The following CECR2 variants were observed in gnomAD, a reference collection of about 807,000 sequenced individuals.
The protein encoded by CECR2 is CECR2 histone acetyl-lysine reader.
CECR2 carries 30 observed loss-of-function variants against 154.5 expected under a neutral mutation model. The observed-to-expected ratio is 0.19, with a 90% CI of 0.15 to 0.26. The LOEUF is 0.26. CECR2 is among the 10% of genes least tolerant of loss of function. The pLI, the probability that CECR2 is intolerant of heterozygous loss-of-function variation, is 1.00. For missense variants in CECR2, 1,743 were observed against 1,829.3 expected, an observed-to-expected ratio of 0.95 and a Z score of 0.86; for synonymous variants, 725 against 683.7, an observed-to-expected ratio of 1.06 and a Z score of -0.94.
chr22:17,540,889 A>G, intron 14 of CECR2, 89 bp downstream of exon 14: 1 of 1,330,528 alleles, frequency 7.5e-7, no homozygotes, highest in Non-Finnish European at 1.0e-6. Flanking sequence ...CTTCCTGCAA[A>G]ATACTTACGT....
intron 2 of CECR2, among the ~76,000 whole-genome samples, chr22:17,488,338 C>CT (rs1467902265): frequency 2.0e-5 from 3 of 152,220 alleles, no homozygotes; most frequent in African/African-American, 7.2e-5. Flanking sequence ...TTCATCGTGT[C>CT]TTTTTTAACA....
At chr22:17,367,377 CT>C (rs568671353), upstream of CECR2, among the ~76,000 whole-genome samples, 77 of 147,648 alleles carry the variant, frequency 5.2e-4, no homozygotes, top group Non-Finnish European at 7.7e-4. Flanking sequence ...CGCAGTAACA[CT>C]TTTTTTTTTT....
chr22:17,365,516 A>C (rs947170828), upstream of CECR2, among the ~76,000 whole-genome samples: 2 of 151,602 alleles, frequency 1.3e-5, no homozygotes, highest in South Asian at 4.2e-4. Flanking sequence ...AACACGGTGA[A>C]ACCCCGTCTC....
chr22:17,540,706 C>A lies in CECR2; in HGVS notation c.1790C>A (p.Pro597His), dbSNP rs1346085214. 2.5e-6 allele frequency: 4 copies of A among 1,613,348 alleles called. 1 individual carries two copies. Among genetic ancestry groups the A allele is most frequent in the Non-Finnish European group, 3.4e-6 (4 of 1,179,642 alleles). Reference sequence around the variant, plus strand: ...GATCAGAGCAGCAGCTCCACACAGCCCCCGCGGGAGGTGGGCACTTCCAAT... The same window carrying A: ...GATCAGAGCAGCAGCTCCACACAGCACCCGCGGGAGGTGGGCACTTCCAAT... ...GDDQSSSSTQ[P>H]PREVGTSNGR... The change falls in exon 14 of 19, where the codon CCC (proline) becomes CAC (histidine). Residue 597 changes from proline to histidine, a missense_variant. Physicochemically the swap from Pro to His is moderately conservative, Grantham distance 77 (BLOSUM62 -2). This residue lies in a region of CECR2 where 1,250 missense variants were observed against 1,192.1 expected (regional missense o/e 1.05). Coordinates refer to ENST00000262608, the MANE Select transcript of CECR2 (RefSeq NM_001290047.2).
intron 2 of CECR2, among the ~76,000 whole-genome samples, chr22:17,483,770 T>A (rs954698341): frequency 2.6e-5 from 4 of 152,208 alleles, no homozygotes; most frequent in African/African-American, 9.6e-5. Flanking sequence ...GTTTACAGCA[T>A]TTAGAAAGTT....
intron 9 of CECR2, among the ~76,000 whole-genome samples, chr22:17,536,877 G>C (rs2056445203): frequency 6.6e-6 from 1 of 152,068 alleles, no homozygotes; most frequent in Admixed American, 6.5e-5. Flanking sequence ...CCCACCTTGA[G>C]CTCAGTGTGA....
chr22:17,383,659 T>TG (rs1316628634), intron 1 of CECR2, among the ~76,000 whole-genome samples: 196 of 134,594 alleles, frequency 1.5e-3, no homozygotes, highest in African/African-American at 5.2e-3. Context: ...CAGGTCCACT[T>TG]TTTTTTTTTT....
intron 9 of CECR2, among the ~76,000 whole-genome samples, chr22:17,527,908 A>AC (rs1238036340): frequency 6.6e-6 from 1 of 152,218 alleles, no homozygotes. Flanking sequence ...GACAGGCAAT[A>AC]ACAAATACTG....
rs7284169 is a variant in CECR2 at position 17,499,568 on chromosome 22, G to C, written c.545+19G>C. On this transcript the variant is annotated intron_variant, in intron 4 of 18. Transcript: ENST00000262608. Reference sequence around the variant, plus strand: ...TGAGCAGGTATGTTCTTCAGTGTTAGGGCATGATAGCTACTGTATTAAAAT... The same window carrying C: ...TGAGCAGGTATGTTCTTCAGTGTTACGGCATGATAGCTACTGTATTAAAAT... 0.53 allele frequency: 845,123 copies of C among 1,587,406 alleles called. 225,935 individuals carry two copies. Among genetic ancestry groups the C allele is most frequent in the Middle Eastern group, 0.65 (3,884 of 6,020 alleles).
intron 9 of CECR2, among the ~76,000 whole-genome samples, chr22:17,536,122 C>T (rs1029997393): frequency 1.3e-5 from 2 of 152,118 alleles, no homozygotes; most frequent in Non-Finnish European, 2.9e-5. Flanking sequence ...GTGGTGCATG[C>T]CTGTAATCCC....
chr22:17,473,749 C>A (rs1369753797), intron 1 of CECR2, among the ~76,000 whole-genome samples: 1 of 152,126 alleles, frequency 6.6e-6, no homozygotes, highest in East Asian at 1.9e-4. Context: ...TTAAAGTGGT[C>A]AGTTCAGTAA....
intron 1 of CECR2, among the ~76,000 whole-genome samples, chr22:17,381,256 T>C (rs2063185122): frequency 6.6e-6 from 1 of 152,172 alleles, no homozygotes; most frequent in Admixed American, 6.5e-5. Context: ...TGAAAGACTT[T>C]CCCCCCATTT....
chr22:17,538,789 G>GTTGT (rs1261725146), intron 12 of CECR2, 58 bp downstream of exon 12: 1 of 1,473,188 alleles, frequency 6.8e-7, no homozygotes, highest in Non-Finnish European at 9.3e-7. Flanking sequence ...CTTGGGTTTT[G>GTTGT]TTGTTTGTTT....
chr22:17,521,017 C>T (rs62239344), intron 8 of CECR2, among the ~76,000 whole-genome samples: 11,622 of 152,222 alleles, frequency 0.076, 545 homozygotes, highest in Middle Eastern at 0.12. Context: ...AATTGTCACA[C>T]TGTCTTCCCC....
rs748152983 is a variant in CECR2 at position 17,524,219 on chromosome 22, G to C, written c.1056G>C (p.Met352Ile). ...TGCAGAAGAAGGAGCAGGAGCAGAT[G>C]CTAAAGGAAGAGAGGAAACGCGAGT... ...LAVQKKEQEQ[M>I]LKEERKRELE... Residue 352 changes from methionine (M) to isoleucine (I), a missense_variant, in exon 9 of 19, where the codon ATG (methionine) becomes ATC (isoleucine). Transcript: ENST00000262608. 6.2e-7 allele frequency: 1 copy of C among 1,610,046 alleles called. No homozygotes were observed. The highest frequency in any genetic ancestry group is 1.1e-5 in the South Asian group (1 of 90,106).
chr22:17,383,856 A>G (rs1281981558), intron 1 of CECR2, among the ~76,000 whole-genome samples: 4 of 151,792 alleles, frequency 2.6e-5, no homozygotes, highest in South Asian at 2.1e-4. Flanking sequence ...GATTTTTACT[A>G]TAGACAGGGT....
intron 1 of CECR2, among the ~76,000 whole-genome samples, chr22:17,361,006 T>TA (rs2146418845): frequency 1.3e-5 from 2 of 150,286 alleles, no homozygotes; most frequent in Admixed American, 1.3e-4. Flanking sequence ...CTACAAAAAA[T>TA]AAAAAAATTA....
At chr22:17,374,502 G>C (rs760331150) in intron 1 of CECR2, among the ~76,000 whole-genome samples, 4 of 152,204 alleles carry the variant, frequency 2.6e-5, no homozygotes, top group Non-Finnish European at 5.9e-5. Flanking sequence ...CTTTGCTGGA[G>C]GAGAGGGCCT....
At chr22:17,385,951 C>T (rs1481678895) in intron 1 of CECR2, among the ~76,000 whole-genome samples, 6 of 152,132 alleles carry the variant, frequency 3.9e-5, no homozygotes. Context: ...GGTTGCGTCG[C>T]TTAGGATATT....
Sources: gnomAD v4.1 joint callset for allele counts (sites outside exome capture counted in the v4.1 genomes callset) on GRCh38, gnomAD v4.1.1 for gene constraint, gnomAD v4.1.1 regional missense constraint, MANE v1.5 for transcripts, NCBI Gene and HGNC (gene_info 2026-07-23, HGNC 2026-07-21) for gene names.